Variants in TMTC2 observed in about 807,000 individuals in gnomAD.
The protein encoded by TMTC2 is transmembrane O-mannosyltransferase targeting cadherins 2.
A neutral mutation model predicts 82.4 loss-of-function variants in TMTC2; 43 were observed. The observed-to-expected ratio is 0.52, with a 90% CI of 0.41 to 0.67. The LOEUF is 0.67. Ranked by LOEUF, TMTC2 falls within the 30% of genes least tolerant of loss-of-function variation. TMTC2 has a pLI of 0.00. For missense variants in TMTC2, 919 were observed against 1,012.4 expected (o/e 0.91, Z 1.25); for synonymous variants, 408 against 381.9 (o/e 1.07, Z -0.80).
At chr12:82,962,804 C>CACAGAG (rs1419066065) in intron 4 of TMTC2, among the ~76,000 whole-genome samples, 1 of 151,876 alleles carries the variant, frequency 6.6e-6, no homozygotes, top group Non-Finnish European at 1.5e-5. Flanking sequence ...TGTAGTTATC[C>CACAGAG]ACAGAGACTG....
intron 1 of TMTC2, chr12:82,758,924 A>G (rs940242850): frequency 2.6e-5 from 4 of 152,178 alleles, no homozygotes; most frequent in Non-Finnish European, 5.9e-5. Flanking sequence ...GTGTAGCCAT[A>G]AGGAAAACAT....
At chr12:82,739,887 T>C (rs1875310991) in intron 1 of TMTC2, among the ~76,000 whole-genome samples, 1 of 151,446 alleles carries the variant, frequency 6.6e-6, no homozygotes, top group Non-Finnish European at 1.5e-5. Context: ...ACCAGTATTG[T>C]TGTTTACTAC....
intron 1 of TMTC2, among the ~76,000 whole-genome samples, chr12:82,726,526 A>C (rs1014511670): frequency 6.6e-6 from 1 of 152,214 alleles, no homozygotes; most frequent in Admixed American, 6.5e-5. Context: ...CATGTTTTAC[A>C]AATAGGGAAA....
Position 82,895,798 on chromosome 12 carries a change from C to A in TMTC2, c.655-20C>A, listed in dbSNP as rs772564422. ...TACTGATAATAATCTTAATTTTTCC[C>A]TTCTCTCTTTTGGTTTCAGAGGAAG... On this transcript the variant is annotated intron_variant, in intron 2 of 11. Coordinates refer to ENST00000321196, the MANE Select transcript of TMTC2 (RefSeq NM_152588.3). 1.9e-6 allele frequency: 3 copies of A among 1,574,938 alleles called. 1 individual carries two copies. In the South Asian group the frequency reaches 3.5e-5, roughly 19 times the overall value.
intron 1 of TMTC2, among the ~76,000 whole-genome samples, chr12:82,798,944 A>T (rs543785046): frequency 1.3e-4 from 20 of 152,158 alleles, no homozygotes; most frequent in Admixed American, 9.2e-4. Context: ...CTTTCAAGAG[A>T]AGTAACCTCT....
At chr12:82,963,401 A>G (rs1373022546) in intron 4 of TMTC2, among the ~76,000 whole-genome samples, 1 of 151,856 alleles carries the variant, frequency 6.6e-6, no homozygotes, top group Non-Finnish European at 1.5e-5. Flanking sequence ...AAATATCTAG[A>G]TGGTATTTCT....
At chr12:83,001,477 A>AG (rs1345835440) in intron 8 of TMTC2, among the ~76,000 whole-genome samples, 1 of 150,370 alleles carries the variant, frequency 6.7e-6, no homozygotes, top group Admixed American at 6.6e-5. Context: ...GTCTCTACTA[A>AG]AAACAAAATT....
chr12:83,001,635 CA>C (rs34467744), intron 8 of TMTC2, among the ~76,000 whole-genome samples: 24,872 of 93,116 alleles, frequency 0.27, 2,326 homozygotes, highest in African/African-American at 0.3. Flanking sequence ...AACTCTGTCT[CA>C]AAAAAAAAAA....
At chr12:82,792,905 T>A (rs1174390963) in intron 1 of TMTC2, among the ~76,000 whole-genome samples, 1 of 152,164 alleles carries the variant, frequency 6.6e-6, no homozygotes, top group African/African-American at 2.4e-5. Context: ...TTAATTATGG[T>A]AAATTAAAAT....
intron 9 of TMTC2, among the ~76,000 whole-genome samples, chr12:83,039,707 C>T (rs1392316000): frequency 6.6e-6 from 1 of 152,118 alleles, no homozygotes. Flanking sequence ...TTGTGCTATA[C>T]TGCAATGTTA....
intron 7 of TMTC2, among the ~76,000 whole-genome samples, chr12:82,967,366 T>C (rs897094329): frequency 7.2e-5 from 11 of 152,080 alleles, no homozygotes; most frequent in African/African-American, 2.7e-4. Flanking sequence ...ATCAAATTCA[T>C]AATTTTTATT....
At chr12:83,129,888 G>A (rs1445610579) in intron 11 of TMTC2, among the ~76,000 whole-genome samples, 3 of 152,088 alleles carry the variant, frequency 2.0e-5, no homozygotes, top group Admixed American at 2.0e-4. Context: ...TGGTAGAGCT[G>A]GTATTTGAAC....
intron 1 of TMTC2, among the ~76,000 whole-genome samples, chr12:82,775,776 CA>C (rs1877561249): frequency 6.6e-6 from 1 of 152,042 alleles, no homozygotes; most frequent in African/African-American, 2.4e-5. Context: ...TTTTCAATAG[CA>C]CTGTGGTAGG....
At chr12:83,004,467 T>C (rs912505793) in intron 8 of TMTC2, among the ~76,000 whole-genome samples, 41 of 152,210 alleles carry the variant, frequency 2.7e-4, no homozygotes, top group Non-Finnish European at 5.3e-4. Flanking sequence ...CTTTTTGAAT[T>C]GCCAGAGTTC....
At chr12:82,885,200 G>A (rs924846451) in intron 2 of TMTC2, among the ~76,000 whole-genome samples, 1 of 147,732 alleles carries the variant, frequency 6.8e-6, no homozygotes, top group Non-Finnish European at 1.5e-5. Context: ...ACCACACCCA[G>A]CCAGACTTTG....
In TMTC2 at chr12:82,981,766, A is replaced by C. The variant is rs573592020; in HGVS notation, c.1949-4159A>C. 6.6e-5 allele frequency among the ~76,000 whole-genome samples: 10 copies of C among 151,818 alleles called. No homozygotes were observed. The East Asian group carries it at 1.9e-3, about 29-fold the overall frequency. On this transcript the variant is annotated intron_variant, in intron 7 of 11. Transcript: ENST00000321196. ...CTTCGTTTCCTTCCTTATTGAATTT[A>C]TTGAACTTTCTTTTCCTGTGGCCAT...
intron 7 of TMTC2, among the ~76,000 whole-genome samples, chr12:82,980,663 A>T (rs1878877294): frequency 6.6e-6 from 1 of 151,822 alleles, no homozygotes; most frequent in African/African-American, 2.4e-5. Flanking sequence ...TTTTCCCCCC[A>T]TGAGCTTGTC....
chr12:83,093,703 T>C (rs1883921894), intron 11 of TMTC2, among the ~76,000 whole-genome samples: 1 of 152,154 alleles, frequency 6.6e-6, no homozygotes, highest in African/African-American at 2.4e-5. Flanking sequence ...GCTAATAAGC[T>C]ACCTAAATCC....
At chr12:82,858,770 G>T (rs1871386227) in intron 2 of TMTC2, among the ~76,000 whole-genome samples, 1 of 151,690 alleles carries the variant, frequency 6.6e-6, no homozygotes, top group Non-Finnish European at 1.5e-5. Context: ...TCAATTAAAT[G>T]CTGAAACTTT....
Sources: gnomAD v4.1 joint callset for allele counts (sites outside exome capture counted in the v4.1 genomes callset) on GRCh38, gnomAD v4.1.1 for gene constraint, MANE v1.5 for transcripts, NCBI Gene and HGNC (gene_info 2026-07-23, HGNC 2026-07-21) for gene names.